The following NELL1 variants were observed in gnomAD, a reference collection of about 807,000 sequenced individuals.
NELL1 encodes protein kinase C-binding protein NELL1.
In NELL1, 76 loss-of-function variants were observed where a neutral mutation model predicts 107.4. The ratio of observed to expected loss-of-function variants is 0.71; its 90% CI spans 0.59 to 0.86. The LOEUF (loss-of-function observed/expected upper bound fraction) is 0.86, where lower values mean the gene tolerates loss of function less well. NELL1 is among the 40% of genes least tolerant of loss of function. The pLI is 0.00. For synonymous variants in NELL1, 353 were observed against 341.2 expected, an observed-to-expected ratio of 1.03 and a Z score of -0.38; for missense variants, 1,024 against 1,005.5, an observed-to-expected ratio of 1.02 and a Z score of -0.25.
At chr11:20,848,494 T>TA (rs1489998370) in intron 4 of NELL1, among the ~76,000 whole-genome samples, 2 of 152,182 alleles carry the variant, frequency 1.3e-5, no homozygotes, top group Non-Finnish European at 2.9e-5. Context: ...GGAAAGTTTT[T>TA]ATCTCTCCAT....
chr11:21,528,430 C>CGAT (rs1855908689), intron 15 of NELL1, among the ~76,000 whole-genome samples: 1 of 150,988 alleles, frequency 6.6e-6, no homozygotes. Flanking sequence ...TGGCAGGAAT[C>CGAT]GATTAGCTCC....
intron 9 of NELL1, among the ~76,000 whole-genome samples, chr11:20,937,095 T>C (rs138332279): frequency 6.6e-6 from 1 of 152,350 alleles, no homozygotes; most frequent in Non-Finnish European, 1.5e-5. Context: ...TGCTTAAAAG[T>C]GAGTCAGCCA....
At chr11:21,457,980 C>T (rs938321411) in intron 15 of NELL1, among the ~76,000 whole-genome samples, 14 of 151,546 alleles carry the variant, frequency 9.2e-5, no homozygotes, top group East Asian at 5.9e-4. Flanking sequence ...TGATAAGTGG[C>T]GAGGTAAAAG....
At chr11:21,133,528 C>T (rs778226230) in intron 13 of NELL1, among the ~76,000 whole-genome samples, 2 of 152,138 alleles carry the variant, frequency 1.3e-5, no homozygotes, top group Non-Finnish European at 2.9e-5. Flanking sequence ...CCTCAGCATC[C>T]CTCTGGCCTC....
chr11:20,760,474 G>T (rs549890411), intron 2 of NELL1, among the ~76,000 whole-genome samples: 2 of 152,258 alleles, frequency 1.3e-5, no homozygotes, highest in African/African-American at 4.8e-5. Context: ...ATTACTAATA[G>T]TTTTATGTTC....
rs996877419 is a variant in NELL1 at position 21,346,609 on chromosome 11, G to C, written c.1550-24244G>C. The stretch of plus-strand genomic sequence containing the variant: ...ATATAATATATAATGTATGATATTT[G>C]ATATATATGCTGTATCAAATATATA... On this transcript the variant is annotated intron_variant, in intron 14 of 19. Coordinates refer to ENST00000357134, the MANE Select transcript of NELL1 (RefSeq NM_006157.5). Among the ~76,000 whole-genome samples the C allele has an allele frequency of 2.7e-5, 4 of 146,822 alleles. 1 individual carries two copies. Among genetic ancestry groups the C allele is most frequent in the Non-Finnish European group, 4.5e-5 (3 of 66,986 alleles).
intron 12 of NELL1, among the ~76,000 whole-genome samples, chr11:21,024,604 G>C (rs1852773721): frequency 6.6e-6 from 1 of 152,124 alleles, no homozygotes; most frequent in Non-Finnish European, 1.5e-5. Context: ...TAAGAGCTCA[G>C]TGACATTTAG....
intron 16 of NELL1, among the ~76,000 whole-genome samples, chr11:21,553,990 C>T (rs1856649320): frequency 6.6e-6 from 1 of 151,826 alleles, no homozygotes; most frequent in Non-Finnish European, 1.5e-5. Flanking sequence ...AAACCACCCT[C>T]CTACTCATAA....
chr11:21,318,535 G>A (rs183963638), intron 14 of NELL1, among the ~76,000 whole-genome samples: 292 of 151,926 alleles, frequency 1.9e-3, no homozygotes, highest in African/African-American at 6.8e-3. Flanking sequence ...GGCCCCACTC[G>A]AGAACTCCTT....
intron 2 of NELL1, among the ~76,000 whole-genome samples, chr11:20,733,985 C>G (rs554709036): frequency 8.0e-4 from 121 of 152,112 alleles, no homozygotes; most frequent in Non-Finnish European, 1.5e-3. Flanking sequence ...CAACAGAGTA[C>G]AGGTGATAGG....
chr11:20,806,140 T>TTTTA lies in NELL1; in HGVS notation c.335+22310_335+22311insTTTA, dbSNP rs761796942. 1.7e-3 allele frequency among the ~76,000 whole-genome samples: 254 copies of TTTTA among 150,860 alleles called. 3 individuals carry two copies. The highest frequency in any genetic ancestry group is 4.2e-3 in the South Asian group (20 of 4,778). ...TATTAATGTCCTTTTTTTTTTTTTT[T>TTTTA]ATCAGATTGAAGAACTCCCTTTAGC... On this transcript the variant is annotated intron_variant, in intron 3 of 19. Coordinates refer to ENST00000357134, the MANE Select transcript of NELL1 (RefSeq NM_006157.5).
At chr11:20,959,999 G>A (rs1446054270) in intron 11 of NELL1, among the ~76,000 whole-genome samples, 2 of 152,118 alleles carry the variant, frequency 1.3e-5, no homozygotes, top group African/African-American at 4.8e-5. Context: ...CTAGTGGCTG[G>A]GAGGGAGATT....
At chr11:20,744,681 T>C (rs1855965139) in intron 2 of NELL1, among the ~76,000 whole-genome samples, 1 of 152,244 alleles carries the variant, frequency 6.6e-6, no homozygotes, top group South Asian at 2.1e-4. Flanking sequence ...GGCAAGCCTA[T>C]TGCACAGCAT....
intron 15 of NELL1, among the ~76,000 whole-genome samples, chr11:21,423,046 T>TA (rs1852728413): frequency 6.6e-6 from 1 of 152,064 alleles, no homozygotes; most frequent in South Asian, 2.1e-4. Flanking sequence ...TATACTAATA[T>TA]AAAAAATAGA....
intron 14 of NELL1, among the ~76,000 whole-genome samples, chr11:21,356,425 A>G (rs1850934567): frequency 6.6e-6 from 1 of 152,142 alleles, no homozygotes; most frequent in South Asian, 2.1e-4. Context: ...TAAGATATTT[A>G]GCAACATCTC....
Position 20,826,805 on chromosome 11 carries a change from T to C in NELL1, c.336-20778T>C, listed in dbSNP as rs539744126. On this transcript the variant is annotated intron_variant, in intron 3 of 19. Coordinates refer to ENST00000357134, the MANE Select transcript of NELL1 (RefSeq NM_006157.5). The stretch of plus-strand genomic sequence containing the variant: ...GCCTGATACATCTTAAATTTGCTTG[T>C]TCAGGTGAACAAGACCTTTGCATGG... Among the ~76,000 whole-genome samples, 15 of 151,330 alleles carry C rather than the reference T, an allele frequency of 9.9e-5. No homozygotes were observed. In the East Asian group the frequency reaches 2.9e-3, roughly 29 times the overall value.
In NELL1 at chr11:20,693,980, C is replaced by T. The variant is rs538525857; in HGVS notation, c.184+15920C>T. The stretch of plus-strand genomic sequence containing the variant: ...TCCCATATTTCTTGGAGGCTTTGTT[C>T]GTTTCTTTTTATTCTTTTTTCTCTA... On this transcript the variant is annotated intron_variant, in intron 2 of 19. Coordinates refer to ENST00000357134, the MANE Select transcript of NELL1 (RefSeq NM_006157.5). Among the ~76,000 whole-genome samples, 398 of 152,062 alleles carry T rather than the reference C, an allele frequency of 2.6e-3. 1 individual carries two copies. The highest frequency in any genetic ancestry group is 9.1e-3 in the African/African-American group (379 of 41,508).
At chr11:20,764,802 A>G (rs1315900146) in intron 2 of NELL1, among the ~76,000 whole-genome samples, 2 of 152,078 alleles carry the variant, frequency 1.3e-5, no homozygotes, top group African/African-American at 2.4e-5. Flanking sequence ...CGTGAGAGTC[A>G]GGTATTTGTT....
chr11:20,740,031 G>A (rs192268438), intron 2 of NELL1, among the ~76,000 whole-genome samples: 1 of 152,164 alleles, frequency 6.6e-6, no homozygotes, highest in Non-Finnish European at 1.5e-5. Context: ...TTGTGCCTAA[G>A]TTATAGCAGT....
Sources: allele counts gnomAD v4.1 joint callset (sites outside exome capture counted in the v4.1 genomes callset), GRCh38; gene constraint gnomAD v4.1.1; transcripts MANE v1.5; gene names NCBI Gene and HGNC (gene_info 2026-07-23, HGNC 2026-07-21).